The following FAM184A variants were observed in gnomAD, a reference collection of about 807,000 sequenced individuals.
The protein encoded by FAM184A is protein FAM184A.
A neutral mutation model predicts 143.8 loss-of-function variants in FAM184A; 99 were observed. The ratio of observed to expected loss-of-function variants is 0.69; its 90% CI spans 0.58 to 0.81. The LOEUF (loss-of-function observed/expected upper bound fraction) is 0.81, where lower values mean the gene tolerates loss of function less well. Ranked by LOEUF, FAM184A falls within the 40% of genes least tolerant of loss-of-function variation. The pLI, the probability that FAM184A is intolerant of heterozygous loss-of-function variation, is 0.00. For missense variants in FAM184A, 1,217 were observed against 1,310.5 expected, an observed-to-expected ratio of 0.93 and a Z score of 1.10; for synonymous variants, 427 against 446.4, an observed-to-expected ratio of 0.96 and a Z score of 0.55.
Position 119,016,865 on chromosome 6 carries a change from T to A in FAM184A, c.1412A>T (p.Glu471Val). The A allele has an allele frequency of 6.2e-7, 1 of 1,614,014 alleles. No homozygotes were observed. The highest frequency in any genetic ancestry group is 1.1e-5 in the South Asian group (1 of 91,074). ...ATGGGCCTCGTTTAATTGAGTCACC[T>A]CCTCTTCCAATCTACTTTGCAGGTT... is the stretch of plus-strand genomic sequence containing the variant. ...LKNLQSRLEE[E>V]VTQLNEAHSK... Residue 471 changes from glutamate to valine, a missense_variant, in exon 5 of 18, where the codon GAG (glutamate) becomes GTG (valine). Glu to Val is a moderately radical substitution (Grantham distance 121). Transcript: ENST00000338891.
intron 1 of FAM184A, among the ~76,000 whole-genome samples, chr6:119,118,438 G>A (rs1789118847): frequency 1.3e-5 from 2 of 152,146 alleles, no homozygotes; most frequent in Admixed American, 6.6e-5. Flanking sequence ...AAGCTATTAT[G>A]TTTCTCATGA....
intron 11 of FAM184A, among the ~76,000 whole-genome samples, chr6:118,976,835 G>A (rs1264509420): frequency 6.6e-6 from 1 of 152,044 alleles, no homozygotes; most frequent in Non-Finnish European, 1.5e-5. Context: ...CTAGGAAAAT[G>A]CAAATTAAAA....
chr6:119,062,197 T>C (rs1318866693), intron 1 of FAM184A, among the ~76,000 whole-genome samples: 1 of 152,234 alleles, frequency 6.6e-6, no homozygotes, highest in Non-Finnish European at 1.5e-5. Context: ...CTCAGAGTTT[T>C]TTGGTAAAAC....
chr6:118,977,563 AGAGT>A, intron 11 of FAM184A, among the ~76,000 whole-genome samples: 1 of 152,356 alleles, frequency 6.6e-6, no homozygotes, highest in African/African-American at 2.4e-5. Context: ...CCTGGGCAAC[AGAGT>A]GAGACCCTAT....
chr6:119,064,898 A>G (rs575528452), intron 1 of FAM184A, among the ~76,000 whole-genome samples: 2 of 152,246 alleles, frequency 1.3e-5, no homozygotes, highest in South Asian at 4.1e-4. Context: ...TACCATCTAC[A>G]TGCTAATGAC....
chr6:119,070,660 TTATTTATC>T lies in FAM184A; in HGVS notation c.159+7473_159+7480del, dbSNP rs576344793. On this transcript the variant is annotated intron_variant, in intron 1 of 17. Coordinates refer to ENST00000338891, the MANE Select transcript of FAM184A (RefSeq NM_024581.6). ...AGATGGGATCTCAATGTTGCTGTTT[TTATTTATC>T]TATTTATCTAATCCTGAAATCAGTT... 1.1e-3 allele frequency among the ~76,000 whole-genome samples: 171 copies of T among 152,280 alleles called. 1 individual carries two copies. Among genetic ancestry groups the T allele is most frequent in the African/African-American group, 3.9e-3 (161 of 41,570 alleles).
intron 1 of FAM184A, among the ~76,000 whole-genome samples, chr6:119,056,168 A>C (rs1013164079): frequency 6.6e-6 from 1 of 152,246 alleles, no homozygotes; most frequent in Non-Finnish European, 1.5e-5. Context: ...CAAAGAAAGA[A>C]GTGTAAATAC....
chr6:119,082,898 G>T (rs1472053288), upstream of FAM184A, among the ~76,000 whole-genome samples: 1 of 152,206 alleles, frequency 6.6e-6, no homozygotes, highest in African/African-American at 2.4e-5. Context: ...TAGGGGCTTT[G>T]ACCCCACATT....
chr6:119,038,050 G>A (rs1383007514), intron 1 of FAM184A, among the ~76,000 whole-genome samples: 1 of 152,092 alleles, frequency 6.6e-6, no homozygotes, highest in East Asian at 1.9e-4. Context: ...GACTTGTCCA[G>A]CACAGCCCTA....
intron 1 of FAM184A, among the ~76,000 whole-genome samples, chr6:119,077,355 C>G (rs945449120): frequency 1.3e-5 from 2 of 152,140 alleles, no homozygotes; most frequent in African/African-American, 4.8e-5. Context: ...CACTTCTTAC[C>G]GATAGGTATT....
At chr6:119,142,948 T>C (rs576054824) in intron 1 of FAM184A, among the ~76,000 whole-genome samples, 4 of 152,194 alleles carry the variant, frequency 2.6e-5, no homozygotes, top group African/African-American at 7.2e-5. Context: ...AAAAGGAAGA[T>C]GGCAAACAAT....
chr6:118,968,679 G>A (rs546282632), intron 14 of FAM184A, among the ~76,000 whole-genome samples: 4 of 152,274 alleles, frequency 2.6e-5, no homozygotes, highest in Admixed American at 1.3e-4. Flanking sequence ...ACTGCTTCCC[G>A]CAGCTGAGCA....
At chr6:119,082,686 G>A (rs1170953984), upstream of FAM184A, among the ~76,000 whole-genome samples, 3 of 152,238 alleles carry the variant, frequency 2.0e-5, 1 homozygote, top group Non-Finnish European at 4.4e-5. Context: ...CAAGAAGTGG[G>A]CTCCCAAGGC....
At chr6:118,974,693 C>T (rs1783796640) in intron 13 of FAM184A, 119 bp from the exon 14 acceptor site, 7 of 831,780 alleles carry the variant, frequency 8.4e-6, no homozygotes, top group Non-Finnish European at 1.1e-5. Context: ...TTTATGTAAA[C>T]AGCCTAAATT....
intron 1 of FAM184A, among the ~76,000 whole-genome samples, chr6:119,134,713 C>T (rs1478044266): frequency 6.6e-6 from 1 of 150,710 alleles, no homozygotes; most frequent in East Asian, 1.9e-4. Flanking sequence ...CACTTCTTAT[C>T]ATAAAAGGAC....
intron 1 of FAM184A, among the ~76,000 whole-genome samples, chr6:119,050,168 C>G (rs2114744334): frequency 6.6e-6 from 1 of 152,174 alleles, no homozygotes; most frequent in African/African-American, 2.4e-5. Flanking sequence ...ATTAAAAAGT[C>G]AAAAAACAAC....
At chr6:119,048,767 A>G (rs1786631564) in intron 1 of FAM184A, among the ~76,000 whole-genome samples, 1 of 152,200 alleles carries the variant, frequency 6.6e-6, no homozygotes, top group Non-Finnish European at 1.5e-5. Flanking sequence ...GAGGCTGGGA[A>G]GGGTAATGGG....
intron 1 of FAM184A, among the ~76,000 whole-genome samples, chr6:119,090,741 C>G (rs142712705): frequency 6.6e-6 from 1 of 152,170 alleles, no homozygotes; most frequent in Non-Finnish European, 1.5e-5. Flanking sequence ...TCCACCCATT[C>G]CAGATTTTTT....
At chr6:119,011,141 A>T (rs1785075783) in intron 6 of FAM184A, 168 bp downstream of exon 6, 1 of 556,404 alleles carries the variant, frequency 1.8e-6, no homozygotes, top group Admixed American at 3.8e-5. Flanking sequence ...TACCTGGTGG[A>T]ACATAATCAG....
Sources: allele counts gnomAD v4.1 joint callset (sites outside exome capture counted in the v4.1 genomes callset), GRCh38; gene constraint gnomAD v4.1.1; transcripts MANE v1.5; gene names NCBI Gene and HGNC (gene_info 2026-07-23, HGNC 2026-07-21).